Variants in FAM83G observed in about 807,000 individuals in gnomAD.
FAM83G encodes the protein protein FAM83G.
FAM83G carries 38 observed loss-of-function variants against 61.5 expected under a neutral mutation model. The ratio of observed to expected loss-of-function variants is 0.62; its 90% CI spans 0.48 to 0.81. FAM83G has a LOEUF of 0.81. Ranked by LOEUF, FAM83G falls within the 30% of genes least tolerant of loss-of-function variation. FAM83G has a pLI of 0.00. For synonymous variants in FAM83G, 470 were observed against 476.1 expected, an observed-to-expected ratio of 0.99 and a Z score of 0.17; for missense variants, 989 against 1,133.6, an observed-to-expected ratio of 0.87 and a Z score of 1.83.
At chr17:18,990,658 G>A (rs2043395217) in intron 2 of FAM83G, among the ~76,000 whole-genome samples, 1 of 152,218 alleles carries the variant, frequency 6.6e-6, no homozygotes, top group African/African-American at 2.4e-5. Context: ...TGTCAGGTTG[G>A]ATATGTTGGA....
At chr17:19,002,394 G>A (rs1023264205) in intron 2 of FAM83G, among the ~76,000 whole-genome samples, 3 of 152,204 alleles carry the variant, frequency 2.0e-5, no homozygotes, top group African/African-American at 7.2e-5. Context: ...CACCTCACCA[G>A]TTCTTGACCC....
intron 3 of FAM83G, among the ~76,000 whole-genome samples, chr17:18,979,874 A>C (rs1331248681): frequency 6.6e-6 from 1 of 152,110 alleles, no homozygotes; most frequent in African/African-American, 2.4e-5. Context: ...CTGAGCCGTG[A>C]AGCTACAGAG....
In FAM83G at chr17:18,978,634, G is replaced by A. The variant is rs371247127; in HGVS notation, c.1032C>T (p.Leu344=). 108 of 1,612,990 alleles carry A rather than the reference G, an allele frequency of 6.7e-5. No homozygotes were observed. The highest frequency in any genetic ancestry group is 1.0e-4 in the Admixed American group (6 of 60,000). ...TGACAAGTGCGTACTTGGGGTTGACGAGCTTCTTGGCCACAGTGCCCGCGG... is the reference window on the plus strand; with the variant it reads ...TGACAAGTGCGTACTTGGGGTTGACAAGCTTCTTGGCCACAGTGCCCGCGG... ...LVPAGTVAKK[L]VNPKYALVKA... Residue 344 remains leucine (L), a synonymous_variant, in exon 5 of 6, where the codon CTC becomes CTT. Coordinates refer to ENST00000388995, the MANE Select transcript of FAM83G (RefSeq NM_001039999.3).
At chr17:18,989,985 G>C (rs2043372484) in intron 2 of FAM83G, among the ~76,000 whole-genome samples, 1 of 152,200 alleles carries the variant, frequency 6.6e-6, no homozygotes, top group South Asian at 2.1e-4. Context: ...GGACCAGCTG[G>C]GACTCCCAGA....
rs1256185432 is a variant in FAM83G, at chr17:19,004,078, TG to T, written c.-38del. The T allele has an allele frequency of 6.5e-7, 1 of 1,550,192 alleles. No homozygotes were observed. Among genetic ancestry groups the T allele is most frequent in the Non-Finnish European group, 8.7e-7 (1 of 1,148,176 alleles). On this transcript the variant is annotated 5_prime_UTR_variant, in exon 2 of 6. Coordinates refer to ENST00000388995, the MANE Select transcript of FAM83G (RefSeq NM_001039999.3). This position sits in a 1 kb window ranked among gnomAD's most constrained non-coding sequence, Gnocchi z 5.4. ...CCCGGGCACTGCTGCCGGGGGTGGG[TG>T]GGCAAGGTCCAGCTCCTAGCTCCGG...
At chr17:18,975,268 C>G (rs557727470) in intron 5 of FAM83G, among the ~76,000 whole-genome samples, 150 of 152,302 alleles carry the variant, frequency 9.8e-4, no homozygotes, top group African/African-American at 3.3e-3. Flanking sequence ...AGCAGCTTGC[C>G]CTGCGTTCGG....
chr17:18,994,976 A>C (rs2043526312), intron 2 of FAM83G, among the ~76,000 whole-genome samples: 1 of 152,246 alleles, frequency 6.6e-6, no homozygotes. Context: ...TGCCTAATAA[A>C]GCTTGACAGG....
At position 18,971,834 on chromosome 17, in the gene FAM83G, C is replaced by T. The variant is rs1056986861; in HGVS notation, c.2083-86G>A. ...GGACCCTGCTCAGGCACACAGGAGCCGGCAGGCCCGGGTTCGCCTCCTGGC... is the reference window on the plus strand; with the variant it reads ...GGACCCTGCTCAGGCACACAGGAGCTGGCAGGCCCGGGTTCGCCTCCTGGC... On this transcript the variant is annotated intron_variant, in intron 5 of 5. Coordinates refer to ENST00000388995, the MANE Select transcript of FAM83G (RefSeq NM_001039999.3). The surrounding 1 kb of genome is among the most constrained non-coding windows in gnomAD (Gnocchi z 5.5). The T allele has an allele frequency of 3.7e-5, 53 of 1,446,930 alleles. No homozygotes were observed. In the East Asian group the frequency reaches 5.9e-4, roughly 16 times the overall value. The allele number at this position is 1,446,930 out of a possible 1,614,324, so 89.6% of individuals were successfully genotyped here.
intron 2 of FAM83G, among the ~76,000 whole-genome samples, chr17:18,998,698 T>C (rs1373947158): frequency 6.6e-6 from 1 of 152,208 alleles, no homozygotes; most frequent in Admixed American, 6.5e-5. Context: ...AAGGGAGCCT[T>C]TGGAGCGCAC....
Position 18,970,874 on chromosome 17 carries a change from A to T in FAM83G, c.*485T>A. On this transcript the variant is annotated 3_prime_UTR_variant, in exon 6 of 6. Coordinates refer to ENST00000388995, the MANE Select transcript of FAM83G (RefSeq NM_001039999.3). ...AACCCTCTACCCTCACACCTTTCCAAACACTGGGAAAGATGAGGTGGAAAA... is the reference window on the plus strand; with the variant it reads ...AACCCTCTACCCTCACACCTTTCCATACACTGGGAAAGATGAGGTGGAAAA... 1 of 722,628 alleles carries T rather than the reference A, an allele frequency of 1.4e-6. No individual in the cohort carries two copies. Among genetic ancestry groups the T allele is most frequent in the Non-Finnish European group, 2.3e-6 (1 of 428,150 alleles). The allele number at this position is 722,628 out of a possible 1,614,324, so 44.8% of individuals were successfully genotyped here.
chr17:18,994,413 C>T (rs1567801889), intron 2 of FAM83G, among the ~76,000 whole-genome samples: 1 of 152,174 alleles, frequency 6.6e-6, no homozygotes, highest in East Asian at 1.9e-4. Flanking sequence ...CTAGGATTTG[C>T]AGGACGGAGT....
intron 2 of FAM83G, among the ~76,000 whole-genome samples, chr17:18,991,504 G>C (rs2043424041): frequency 1.3e-5 from 2 of 152,316 alleles, no homozygotes; most frequent in Non-Finnish European, 2.9e-5. Flanking sequence ...AAGGGCTGTG[G>C]AAATGAGAGG....
At chr17:18,976,513 G>C in intron 5 of FAM83G, 1 of 282,084 alleles carries the variant, frequency 3.5e-6, no homozygotes, top group Non-Finnish European at 6.7e-6. Context: ...TGAGGGTAGG[G>C]GTGTATGTCC....
rs978001980 is a variant in FAM83G, at chr17:19,000,751, C to T, written c.522+2769G>A. Among the ~76,000 whole-genome samples, 8 of 152,198 alleles carry T rather than the reference C, an allele frequency of 5.3e-5. No homozygotes were observed. The highest frequency in any genetic ancestry group is 2.0e-4 in the Admixed American group (3 of 15,282). On this transcript the variant is annotated intron_variant, in intron 2 of 5. Coordinates refer to ENST00000388995, the MANE Select transcript of FAM83G (RefSeq NM_001039999.3). The surrounding 1 kb of genome is among the most constrained non-coding windows in gnomAD (Gnocchi z 5.2). ...GGGGGCAGGCAGAGTTCTCCCTACA[C>T]AATACCAGAGTGAGAAGGGGAGGTG... is the stretch of plus-strand genomic sequence containing the variant.
chr17:18,971,423 C>A lies in FAM83G; in HGVS notation c.2408G>T (p.Ser803Ile). ...TTTAGAATCCGATGAGGCCCACTGG[C>A]TACCGCCCGTCCTGGCCTTTAGGTG... ...SKHLKARTGG[S>I]QWASSDSKRR... The change falls in exon 6 of 6, where the codon AGC (serine) becomes ATC (isoleucine). Residue 803 changes from serine (S) to isoleucine (I), a missense_variant. By Grantham distance (142) the Ser-to-Ile change is moderately radical. This residue lies in a region of FAM83G where 574 missense variants were observed against 645.1 expected (regional missense o/e 0.89). Coordinates refer to ENST00000388995, the MANE Select transcript of FAM83G (RefSeq NM_001039999.3). The surrounding 1 kb of genome is among the most constrained non-coding windows in gnomAD (Gnocchi z 5.5). The A allele has an allele frequency of 6.2e-7, 1 of 1,613,824 alleles. No individual in the cohort carries two copies. The highest frequency in any genetic ancestry group is 8.5e-7 in the Non-Finnish European group (1 of 1,180,022).
intron 2 of FAM83G, among the ~76,000 whole-genome samples, chr17:18,994,558 G>T (rs961143220): frequency 3.9e-5 from 6 of 152,248 alleles, no homozygotes; most frequent in African/African-American, 1.4e-4. Flanking sequence ...CTGGAAAGGG[G>T]AGGCTGAGCA....
At chr17:18,997,666 C>G (rs2043601659) in intron 2 of FAM83G, among the ~76,000 whole-genome samples, 1 of 152,208 alleles carries the variant, frequency 6.6e-6, no homozygotes, top group African/African-American at 2.4e-5. Flanking sequence ...GCTGAGGCTT[C>G]TAGGCCACCT....
intron 5 of FAM83G, chr17:18,977,062 C>T (rs1330594592): frequency 6.3e-7 from 1 of 1,583,416 alleles, no homozygotes; most frequent in Non-Finnish European, 8.6e-7. Context: ...CTGCAAACGT[C>T]ACCAGAAGAA....
chr17:18,980,383 C>T (rs975481417), intron 3 of FAM83G, among the ~76,000 whole-genome samples: 13 of 152,088 alleles, frequency 8.5e-5, no homozygotes, highest in African/African-American at 2.9e-4. Context: ...CAGGAAGGCC[C>T]TCAGAGACTG....
Sources: allele counts gnomAD v4.1 joint callset (sites outside exome capture counted in the v4.1 genomes callset), GRCh38; gene constraint gnomAD v4.1.1; regional missense constraint gnomAD v4.1.1; non-coding constraint Gnocchi (gnomAD v3.1); transcripts MANE v1.5; gene names NCBI Gene and HGNC (gene_info 2026-07-23, HGNC 2026-07-21).